The following MAGT1 variants were observed in gnomAD, a reference collection of about 807,000 sequenced individuals.
MAGT1 encodes magnesium transporter 1.
A neutral mutation model predicts 28.4 loss-of-function variants in MAGT1; 4 were observed. The observed-to-expected ratio is 0.14, with a 90% CI of 0.07 to 0.32. The LOEUF (loss-of-function observed/expected upper bound fraction) is 0.32. Among genes scored for constraint, MAGT1 ranks in the 10% least tolerant of loss-of-function variants. MAGT1 has a pLI of 1.00. For missense variants in MAGT1, 193 were observed against 264.5 expected (o/e 0.73, Z 1.88); for synonymous variants, 89 against 89.7 (o/e 0.99, Z 0.04).
rs1328266332 is a variant in MAGT1, at chrX:77,866,496, C to A, written c.390+4312G>T. 3.0e-5 allele frequency among the ~76,000 whole-genome samples: 2 copies of A among 66,574 alleles called. 1 individual carries two copies. The highest frequency in any genetic ancestry group is 8.1e-5 in the Non-Finnish European group (2 of 24,683). 57.8% of individuals were successfully genotyped at this position (66,574 alleles called of 115,157 possible). On this transcript the variant is annotated intron_variant, in intron 3 of 9. Coordinates refer to ENST00000618282, the MANE Select transcript of MAGT1 (RefSeq NM_001367916.1). The stretch of plus-strand genomic sequence containing the variant: ...CCTAACTGCCTTTGTTCTGGACAAT[C>A]TTCTCAAGGATATTTGTATATCTTT...
chrX:77,870,735 A>G, intron 3 of MAGT1, 73 bp downstream of exon 3: 1 of 732,661 alleles, frequency 1.4e-6, no homozygotes, highest in Non-Finnish European at 2.2e-6. Flanking sequence ...TCTTATAGCC[A>G]CTGAAAAAAA....
chrX:77,854,491 A>AGTT (rs782218558), intron 6 of MAGT1, among the ~76,000 whole-genome samples: 1 of 111,025 alleles, frequency 9.0e-6, no homozygotes, highest in African/African-American at 3.3e-5. Context: ...TCAGAAAACT[A>AGTT]GTTGTTGTTG....
chrX:77,874,474 T>C (rs1557217577), intron 2 of MAGT1, among the ~76,000 whole-genome samples: 1 of 105,975 alleles, frequency 9.4e-6, no homozygotes, highest in Non-Finnish European at 1.9e-5. Context: ...TGTGCACTTG[T>C]AGTATCAGCT....
chrX:77,879,119 C>T (rs1267348484), intron 1 of MAGT1, among the ~76,000 whole-genome samples: 2 of 111,270 alleles, frequency 1.8e-5, no homozygotes, highest in African/African-American at 6.5e-5. Context: ...TGCAGTGGTG[C>T]GATCTCACCT....
At chrX:77,837,795 T>C (rs1044039995) in intron 8 of MAGT1, among the ~76,000 whole-genome samples, 1 of 111,668 alleles carries the variant, frequency 9.0e-6, no homozygotes, top group Non-Finnish European at 1.9e-5. Flanking sequence ...CAGGCTGGAG[T>C]GCAGTAGCGC....
At chrX:77,887,783 A>G (rs1487547161) in intron 1 of MAGT1, among the ~76,000 whole-genome samples, 1 of 112,300 alleles carries the variant, frequency 8.9e-6, no homozygotes, top group Non-Finnish European at 1.9e-5. Flanking sequence ...TTAATTCGCA[A>G]ACAACTCCTA....
At chrX:77,846,598 C>G (rs186892515) in intron 7 of MAGT1, among the ~76,000 whole-genome samples, 5 of 112,030 alleles carry the variant, frequency 4.5e-5, no homozygotes, top group African/African-American at 6.5e-5. Flanking sequence ...TGGTGACATA[C>G]AGATGAGGTT....
intron 1 of MAGT1, among the ~76,000 whole-genome samples, chrX:77,886,971 T>C (rs1344734145): frequency 1.8e-5 from 2 of 112,153 alleles, no homozygotes; most frequent in African/African-American, 6.5e-5. Flanking sequence ...GGTTGAAGAA[T>C]GTGATATTCT....
intron 1 of MAGT1, among the ~76,000 whole-genome samples, chrX:77,888,680 T>C (rs1372405741): frequency 9.0e-6 from 1 of 111,492 alleles, no homozygotes; most frequent in Non-Finnish European, 1.9e-5. Flanking sequence ...TAAAATCTGA[T>C]CCTGCCATTC....
intron 8 of MAGT1, among the ~76,000 whole-genome samples, chrX:77,840,968 GT>G (rs1557214351): frequency 8.9e-6 from 1 of 111,820 alleles, no homozygotes. Context: ...AGTTTTTAAG[GT>G]TTTTATAAGT....
Position 77,829,014 on chromosome X carries a change from T to G in MAGT1, c.*206A>C. On this transcript the variant is annotated 3_prime_UTR_variant, in exon 10 of 10. Coordinates refer to ENST00000618282, the MANE Select transcript of MAGT1 (RefSeq NM_001367916.1). Reference sequence around the variant, plus strand: ...CACTGGGAAGAGAAGGTTAAGAGGATAATTATTTTCAAATACCTCAGATTT... The same window carrying G: ...CACTGGGAAGAGAAGGTTAAGAGGAGAATTATTTTCAAATACCTCAGATTT... 1 of 400,739 alleles carries G rather than the reference T, an allele frequency of 2.5e-6. No homozygotes were observed. The highest frequency in any genetic ancestry group is 4.4e-6 in the Non-Finnish European group (1 of 225,040). 33.0% of individuals were successfully genotyped at this position (400,739 alleles called of 1,213,427 possible).
chrX:77,878,909 C>A (rs2077043682), intron 1 of MAGT1, among the ~76,000 whole-genome samples: 1 of 111,085 alleles, frequency 9.0e-6, no homozygotes, highest in African/African-American at 3.3e-5. Flanking sequence ...AAATTTATGT[C>A]TACACACAAA....
At chrX:77,829,310 T>A (rs1229774616) in intron 9 of MAGT1, 75 bp from the exon 10 acceptor site, 1 of 921,591 alleles carries the variant, frequency 1.1e-6, no homozygotes, top group Non-Finnish European at 1.6e-6. Flanking sequence ...ATAAGCAGTA[T>A]GTTGGTTTTA....
intron 2 of MAGT1, among the ~76,000 whole-genome samples, chrX:77,873,200 A>G (rs2077024629): frequency 8.9e-6 from 1 of 111,827 alleles, no homozygotes; most frequent in African/African-American, 3.2e-5. Context: ...TATTCAGCAC[A>G]TACTCCACAA....
At chrX:77,878,790 C>CAAAAAAAAAAAA (rs782079163) in intron 1 of MAGT1, among the ~76,000 whole-genome samples, 8 of 31,419 alleles carry the variant, frequency 2.5e-4, no homozygotes, top group African/African-American at 3.8e-4. Context: ...AACTCTATCT[C>CAAAAAAAAAAAA]AAAAAAAAAA....
intron 1 of MAGT1, among the ~76,000 whole-genome samples, chrX:77,883,636 G>T (rs2077059694): frequency 1.1e-5 from 1 of 94,867 alleles, no homozygotes; most frequent in East Asian, 3.3e-4. Flanking sequence ...TTGGCTAACT[G>T]CAGCCTCAAC....
In MAGT1 at chrX:77,851,138, T is replaced by C. The variant is rs781898258; in HGVS notation, c.826+2763A>G. Among the ~76,000 whole-genome samples the C allele has an allele frequency of 4.5e-5, 5 of 110,070 alleles. No homozygotes were observed. In the East Asian group the frequency reaches 1.4e-3, roughly 31 times the overall value. ...GGTGCACACTACCGTTTCTGGCTAA[T>C]TTTTGTATTTCTTGTTGAGATGAGG... On this transcript the variant is annotated intron_variant, in intron 7 of 9. Transcript: ENST00000618282.
chrX:77,829,088 G>T lies in MAGT1; in HGVS notation c.*132C>A. ...CACTACACATCTTCTTTGGTTAAAT[G>T]ATTAACTATTTAAATCACTTGAAAA... On this transcript the variant is annotated 3_prime_UTR_variant, in exon 10 of 10. Coordinates refer to ENST00000618282, the MANE Select transcript of MAGT1 (RefSeq NM_001367916.1). The T allele has an allele frequency of 5.6e-6, 3 of 533,706 alleles. No homozygotes were observed. Among genetic ancestry groups the T allele is most frequent in the Non-Finnish European group, 9.8e-6 (3 of 307,370 alleles). The allele number at this position is 533,706 out of a possible 1,213,427, so 44.0% of individuals were successfully genotyped here. A position where few individuals can be genotyped will look rare whatever the true frequency, so the allele number is the denominator to read the frequency against.
At chrX:77,868,601 C>T (rs1183201314) in intron 3 of MAGT1, 3 of 262,012 alleles carry the variant, frequency 1.1e-5, no homozygotes, top group African/African-American at 8.5e-5. Context: ...CAAGCCACTG[C>T]ACTCTAGTCT....
Sources: gnomAD v4.1 joint callset for allele counts (sites outside exome capture counted in the v4.1 genomes callset) on GRCh38, gnomAD v4.1.1 for gene constraint, MANE v1.5 for transcripts, NCBI Gene and HGNC (gene_info 2026-07-23, HGNC 2026-07-21) for gene names.